Variants in IRS2 observed in about 807,000 individuals in gnomAD.
IRS2 encodes the protein insulin receptor substrate 2.
In IRS2, 28 loss-of-function variants were observed where a neutral mutation model predicts 70.9. The ratio of observed to expected loss-of-function variants is 0.39; its 90% confidence interval spans 0.29 to 0.54. IRS2 has a LOEUF of 0.54. Among genes scored for constraint, IRS2 ranks in the 20% least tolerant of loss-of-function variants. IRS2 has a pLI of 0.59. For synonymous variants in IRS2, 1,217 were observed against 981.9 expected (o/e 1.24, Z -4.48); for missense variants, 2,081 against 2,024.1 (o/e 1.03, Z -0.54).
At chr13:109,766,782 G>A (rs140390551) in intron 1 of IRS2, among the ~76,000 whole-genome samples, 46 of 147,506 alleles carry the variant, frequency 3.1e-4, no homozygotes, top group African/African-American at 1.1e-3. Flanking sequence ...TCCCCACCAA[G>A]CATGTAGATA....
intron 1 of IRS2, among the ~76,000 whole-genome samples, chr13:109,757,280 T>A (rs191404743): frequency 6.6e-6 from 1 of 152,328 alleles, no homozygotes; most frequent in African/African-American, 2.4e-5. Context: ...CTCAGCAACA[T>A]GAGGGTGAGC....
intron 1 of IRS2, among the ~76,000 whole-genome samples, chr13:109,758,880 A>AGGAAGAGGAAGG (rs1248817261): frequency 1.4e-5 from 2 of 148,110 alleles, no homozygotes; most frequent in Non-Finnish European, 3.0e-5. Context: ...CAAGCGGAAG[A>AGGAAGAGGAAGG]GGAAGAGGAA....
chr13:109,785,675 C>T lies in IRS2; in HGVS notation c.379G>A (p.Glu127Lys), dbSNP rs1186261552. The stretch of plus-strand genomic sequence containing the variant: ...CAGCCCTCCTGCTCCTGCTCGTTCT[C>T]GGCGGCCACGGCGAAGTACTCGTCC... ...TKDEYFAVAA[E>K]NEQEQEGWYR... The change falls in exon 1 of 2, where the codon GAG (glutamate) becomes AAG (lysine). Residue 127 changes from glutamate to lysine, a missense_variant. Coordinates refer to ENST00000375856, the MANE Select transcript of IRS2 (RefSeq NM_003749.3). The surrounding 1 kb of genome is among the most constrained non-coding windows in gnomAD (Gnocchi z 9.3). 4 of 1,596,794 alleles carry T rather than the reference C, an allele frequency of 2.5e-6. No homozygotes were observed. The highest frequency in any genetic ancestry group is 3.4e-6 in the Non-Finnish European group (4 of 1,175,648).
rs199630638 is a variant in IRS2, at chr13:109,779,652, C to CT, written c.4012+2389dup. 2.4e-3 allele frequency among the ~76,000 whole-genome samples: 361 copies of CT among 151,690 alleles called. 3 individuals are homozygous for CT. The highest frequency in any genetic ancestry group is 3.6e-3 in the Non-Finnish European group (245 of 67,856). ...TAGAAACCCAATGGGGCAGATATTT[C>CT]TTTTTTTTTAAATGTCGTTGGGCAT... On this transcript the variant is annotated intron_variant, in intron 1 of 1. Transcript: ENST00000375856.
chr13:109,782,999 G>A lies in IRS2; in HGVS notation c.3055C>T (p.Pro1019Ser), dbSNP rs1468014834. The A allele has an allele frequency of 2.2e-6, 3 of 1,369,148 alleles. No individual in the cohort carries two copies. The highest frequency in any genetic ancestry group is 1.9e-6 in the Non-Finnish European group (2 of 1,065,774). 84.8% of individuals were successfully genotyped at this position (1,369,148 alleles called of 1,614,324 possible). Residue 1019 changes from proline to serine, a missense_variant, in exon 1 of 2, where the codon CCG (proline) becomes TCG (serine). Pro to Ser is a moderately conservative substitution (Grantham distance 74). Around this residue, in one of 4 missense-constraint regions of IRS2, gnomAD observed 1,615 missense variants for 1,459.5 expected, o/e 1.11. Transcript: ENST00000375856. ...GACGACGGGGACGCGGACGGACGCG[G>A]GGGCAACGGCGGATACGGGGAGGAG... The part of the protein sequence containing the change: ...EASSPYPPLP[P>S]RPSASPSSSL...
At chr13:109,781,631 G>A (rs1382000335) in intron 1 of IRS2, among the ~76,000 whole-genome samples, 1 of 152,204 alleles carries the variant, frequency 6.6e-6, no homozygotes, top group Non-Finnish European at 1.5e-5. Context: ...AGCTGCGGCT[G>A]AGGGCAGCGG....
In IRS2 at chr13:109,784,942, G is replaced by GCGCCGC. The variant is rs1877870099; in HGVS notation, c.1106_1111dup (p.Gly369_Gly370dup). On this transcript the variant is annotated inframe_insertion, in exon 1 of 2. Coordinates refer to ENST00000375856, the MANE Select transcript of IRS2 (RefSeq NM_003749.3). The surrounding 1 kb of genome is among the most constrained non-coding windows in gnomAD (Gnocchi z 5.2). ...GCCCGCGGCCGCCGCTCCCGCCGCCGCGCCGCCGTCGCCCTCGCTGGCGGT... is the reference window on the plus strand; with the variant it reads ...GCCCGCGGCCGCCGCTCCCGCCGCCGCGCCGCCGCCGCCGTCGCCCTCGCTGGCGGT... The GCGCCGC allele has an allele frequency of 1.9e-5, 21 of 1,117,120 alleles. No individual in the cohort carries two copies. The highest frequency in any genetic ancestry group is 2.2e-5 in the Non-Finnish European group (20 of 915,660). The allele number at this position is 1,117,120 out of a possible 1,614,324, so 69.2% of individuals were successfully genotyped here. A position where few individuals can be genotyped will look rare whatever the true frequency, so the allele number is the denominator to read the frequency against.
Position 109,782,318 on chromosome 13 carries a change from C to T in IRS2, c.3736G>A (p.Gly1246Ser), listed in dbSNP as rs868494628. ...ATGTAGTTGAGACCATTCTGGAAGC[C>T]GGCAGAGGTCTCTCTGCGCATGGGC... is the stretch of plus-strand genomic sequence containing the variant. ...GSPMRRETSA[G>S]FQNGLNYIAI... Residue 1246 changes from glycine to serine, a missense_variant, in exon 1 of 2, where the codon GGC (glycine) becomes AGC (serine). By Grantham distance (56) the Gly-to-Ser change is moderately conservative. Coordinates refer to ENST00000375856, the MANE Select transcript of IRS2 (RefSeq NM_003749.3). 1.2e-6 allele frequency: 2 copies of T among 1,611,746 alleles called. No individual in the cohort carries two copies. Among genetic ancestry groups the T allele is most frequent in the Middle Eastern group, 1.7e-4 (1 of 6,060 alleles).
Position 109,783,461 on chromosome 13 carries a change from C to G in IRS2, c.2593G>C (p.Val865Leu). ...GAGPTQPPHPVVPSPVRPSGG... is the reference protein window; with the variant it reads ...GAGPTQPPHPLVPSPVRPSGG... The stretch of plus-strand genomic sequence containing the variant: ...CTAGGCCGCACGGGCGAAGGCACTA[C>G]AGGGTGAGGGGGCTGCGTGGGGCCG... Residue 865 changes from valine to leucine, a missense_variant, in exon 1 of 2, where the codon GTA becomes CTA. Transcript: ENST00000375856. 9.7e-6 allele frequency: 15 copies of G among 1,539,042 alleles called. No homozygotes were observed. The South Asian group carries it at 1.7e-4, about 17-fold the overall frequency.
In IRS2 at chr13:109,783,360, C is replaced by T. The variant is rs1428235174; in HGVS notation, c.2694G>A (p.Leu898=). The change falls in exon 1 of 2, where the codon CTG becomes CTA. Residue 898 remains leucine, a synonymous_variant. Transcript: ENST00000375856. The part of the protein sequence containing the change: ...VRPTRLSLEG[L]PSLPSMHEYP... ...ACTCGTGCATGCTGGGCAGGCTGGG[C>T]AGCCCCTCCAGGGACAGGCGCGTGG... 2.6e-6 allele frequency: 4 copies of T among 1,544,846 alleles called. No individual in the cohort carries two copies. The Admixed American group carries it at 7.5e-5, about 29-fold the overall frequency.
chr13:109,779,859 T>C (rs1013969707), intron 1 of IRS2, among the ~76,000 whole-genome samples: 12 of 152,310 alleles, frequency 7.9e-5, no homozygotes, highest in African/African-American at 1.7e-4. Context: ...TCCTATGGGC[T>C]GAAAGGAATT....
At position 109,784,616 on chromosome 13, in the gene IRS2, G is replaced by A. The variant is rs1047048057; in HGVS notation, c.1438C>T (p.Arg480Trp). The A allele has an allele frequency of 4.5e-6, 6 of 1,336,062 alleles. No individual in the cohort carries two copies. In the African/African-American group the frequency reaches 4.6e-5, roughly 10 times the overall value. 82.8% of individuals were successfully genotyped at this position (1,336,062 alleles called of 1,614,324 possible). A position where few individuals can be genotyped will look rare whatever the true frequency, so the allele number is the denominator to read the frequency against. The change falls in exon 1 of 2, where the codon CGG becomes TGG. Residue 480 changes from arginine to tryptophan, a missense_variant. Transcript: ENST00000375856. The surrounding 1 kb of genome is among the most constrained non-coding windows in gnomAD (Gnocchi z 5.2). ...GCGGAGGCGCTGCCGCTGGAGGGCC[G>A]CTGGCCGGGGCCGTGGTGCAGCGGA... ...PHPLHHGPGQ[R>W]PSSGSASASG...
At chr13:109,770,696 C>G (rs1264986031) in intron 1 of IRS2, among the ~76,000 whole-genome samples, 11 of 152,120 alleles carry the variant, frequency 7.2e-5, no homozygotes, top group Non-Finnish European at 1.6e-4. Flanking sequence ...GAAAATGGTG[C>G]CCGGTGGGAT....
At position 109,782,261 on chromosome 13, in the gene IRS2, G is replaced by A. The variant is rs1188415472; in HGVS notation, c.3793C>T (p.Pro1265Ser). The change falls in exon 1 of 2, where the codon CCA (proline) becomes TCA (serine). Residue 1265 changes from proline to serine, a missense_variant. By Grantham distance (74) the Pro-to-Ser change is moderately conservative. Coordinates refer to ENST00000375856, the MANE Select transcript of IRS2 (RefSeq NM_003749.3). ...GGCGGCGGCGGCTGCGGCTGGGGTG[G>A]CAGCCCGGGCTCCTCCCTCACGTCG... ...AIDVREEPGL[P>S]PQPQPPPPPL... The A allele has an allele frequency of 6.2e-6, 10 of 1,608,530 alleles. No individual in the cohort carries two copies. The highest frequency in any genetic ancestry group is 8.5e-6 in the Non-Finnish European group (10 of 1,178,184).
chr13:109,776,837 C>G (rs1478436382), intron 1 of IRS2, among the ~76,000 whole-genome samples: 1 of 152,134 alleles, frequency 6.6e-6, no homozygotes, highest in East Asian at 1.9e-4. Flanking sequence ...TCAGAATAAC[C>G]ACTGCAGTCT....
At chr13:109,758,482 A>G (rs1286698243) in intron 1 of IRS2, among the ~76,000 whole-genome samples, 2 of 152,152 alleles carry the variant, frequency 1.3e-5, no homozygotes, top group Non-Finnish European at 2.9e-5. Context: ...TGGCGGGTAA[A>G]TTATTGCTGA....
chr13:109,782,880 G>A lies in IRS2; in HGVS notation c.3174C>T (p.Ala1058=), dbSNP rs1254699074. 2 of 1,566,578 alleles carry A rather than the reference G, an allele frequency of 1.3e-6. No individual in the cohort carries two copies. The highest frequency in any genetic ancestry group is 1.9e-5 in the Admixed American group (1 of 52,540). Residue 1058 remains alanine, a synonymous_variant, in exon 1 of 2, where the codon GCC becomes GCT. Transcript: ENST00000375856. The part of the protein sequence containing the change: ...SAVATAQGPG[A]ASSLSSDTGD... ...CGGTGTCCGAGGACAACGATGAGGCGGCGCCCGGGCCCTGGGCGGTGGCAA... is the reference window on the plus strand; with the variant it reads ...CGGTGTCCGAGGACAACGATGAGGCAGCGCCCGGGCCCTGGGCGGTGGCAA...
Position 109,786,089 on chromosome 13 carries a change from G to A in IRS2, c.-36C>T. The A allele has an allele frequency of 1.3e-5, 13 of 1,030,826 alleles. 1 individual carries two copies. In the South Asian group the frequency reaches 3.5e-4, roughly 28 times the overall value. 63.9% of individuals were successfully genotyped at this position (1,030,826 alleles called of 1,614,324 possible). On this transcript the variant is annotated 5_prime_UTR_variant, in exon 1 of 2. Transcript: ENST00000375856. This position sits in a 1 kb window ranked among gnomAD's most constrained non-coding sequence, Gnocchi z 4.4. ...TCAGGCCGCGCGGCCCGGGCCCGGC[G>A]CCCAGGGGTTGGGGCGAGGGGCGGA...
chr13:109,772,799 C>A (rs535489013), intron 1 of IRS2, among the ~76,000 whole-genome samples: 1 of 151,744 alleles, frequency 6.6e-6, no homozygotes, highest in East Asian at 1.9e-4. Context: ...GGGTTCACGC[C>A]ATTCTCCTGC....
Sources: allele counts gnomAD v4.1 joint callset (sites outside exome capture counted in the v4.1 genomes callset), GRCh38; gene constraint gnomAD v4.1.1; regional missense constraint gnomAD v4.1.1; non-coding constraint Gnocchi (gnomAD v3.1); transcripts MANE v1.5; gene names NCBI Gene and HGNC (gene_info 2026-07-23, HGNC 2026-07-21).